Variants in CEP95 observed in about 807,000 individuals in gnomAD.
CEP95 encodes the protein centrosomal protein 95.
CEP95 carries 98 observed loss-of-function variants against 111.2 expected under a neutral mutation model. The ratio of observed to expected loss-of-function variants is 0.88; its 90% CI spans 0.75 to 1.04. The LOEUF (loss-of-function observed/expected upper bound fraction) is 1.04. CEP95 is among the 50% of genes least tolerant of loss of function. The pLI is 0.00. For synonymous variants in CEP95, 323 were observed against 327.1 expected (o/e 0.99, Z 0.14); for missense variants, 1,027 against 977.2 (o/e 1.05, Z -0.68).
chr17:64,523,454 C>G (rs1195122092), intron 8 of CEP95, among the ~76,000 whole-genome samples: 1 of 152,090 alleles, frequency 6.6e-6, no homozygotes, highest in Non-Finnish European at 1.5e-5. Flanking sequence ...CATGCATATT[C>G]CCATTATCCA....
Position 64,529,318 on chromosome 17 carries a change from G to C in CEP95, c.1337G>C (p.Arg446Thr). The C allele has an allele frequency of 6.2e-7, 1 of 1,613,722 alleles. No individual in the cohort carries two copies. Among genetic ancestry groups the C allele is most frequent in the Non-Finnish European group, 8.5e-7 (1 of 1,179,776 alleles). ...GLSMRRKPPY[R>T]SHSLSPSPVN... ...TCCATGCGTAGAAAGCCACCCTACAGATCCCATTCGCTCTCTCCATCTCCA... is the reference window on the plus strand; with the variant it reads ...TCCATGCGTAGAAAGCCACCCTACACATCCCATTCGCTCTCTCCATCTCCA... The change falls in exon 12 of 20, where the codon AGA (arginine) becomes ACA (threonine). Residue 446 changes from arginine (R) to threonine (T), a missense_variant. Arg to Thr is a moderately conservative substitution (Grantham distance 71). Coordinates refer to ENST00000556440, the MANE Select transcript of CEP95 (RefSeq NM_138363.3).
At chr17:64,537,008 TA>T (rs782046053) in intron 18 of CEP95, 32 bp from the exon 19 acceptor site, 1 of 1,561,678 alleles carries the variant, frequency 6.4e-7, no homozygotes, top group Non-Finnish European at 8.7e-7. Context: ...AAACATTAAA[TA>T]TAATATTTGT....
intron 3 of CEP95, among the ~76,000 whole-genome samples, chr17:64,513,959 C>T (rs927594801): frequency 6.6e-6 from 1 of 152,056 alleles, no homozygotes; most frequent in African/African-American, 2.4e-5. Context: ...AATTATTTTG[C>T]TTCTCCAAAA....
rs782336259 is a variant in CEP95 at position 64,531,927 on chromosome 17, C to T, written c.1577C>T (p.Thr526Ile). Residue 526 changes from threonine to isoleucine, a missense_variant, in exon 14 of 20, where the codon ACT becomes ATT. By Grantham distance (89) the Thr-to-Ile change is moderately conservative (BLOSUM62 -1). Coordinates refer to ENST00000556440, the MANE Select transcript of CEP95 (RefSeq NM_138363.3). ...IYRGEAVRKG[T>I]PECSQPWKIY... ...AGAGGAGAAGCTGTTCGTAAAGGAA[C>T]TCCAGAATGTAGTCAGCCCTGGAAG... 6.2e-7 allele frequency: 1 copy of T among 1,607,238 alleles called. No individual in the cohort carries two copies. The highest frequency in any genetic ancestry group is 1.7e-5 in the Admixed American group (1 of 58,282).
rs1236015914 is a variant in CEP95, at chr17:64,529,328, G to T, written c.1347G>T (p.Ser449=). Residue 449 remains serine, a synonymous_variant, in exon 12 of 20, where the codon TCG becomes TCT. Coordinates refer to ENST00000556440, the MANE Select transcript of CEP95 (RefSeq NM_138363.3). ...MRRKPPYRSH[S]LSPSPVNKHK... ...GAAAGCCACCCTACAGATCCCATTC[G>T]CTCTCTCCATCTCCAGTTAACAAAC... 2 of 1,613,460 alleles carry T rather than the reference G, an allele frequency of 1.2e-6. No individual in the cohort carries two copies. The highest frequency in any genetic ancestry group is 1.7e-5 in the Admixed American group (1 of 59,962).
chr17:64,536,655 A>C lies in CEP95; in HGVS notation c.2124A>C (p.Arg708=). The part of the protein sequence containing the change: ...EGLNIQKQRL[R]DLRNYAKEKR... ...TAAACATTCAAAAGCAAAGATTACG[A>C]GACCTAAGAAACTATGCCAAAGAAA... Residue 708 remains arginine, a synonymous_variant, in exon 18 of 20, where the codon CGA becomes CGC. Coordinates refer to ENST00000556440, the MANE Select transcript of CEP95 (RefSeq NM_138363.3). 6.2e-7 allele frequency: 1 copy of C among 1,611,832 alleles called. No homozygotes were observed. The highest frequency in any genetic ancestry group is 8.5e-7 in the Non-Finnish European group (1 of 1,178,976).
chr17:64,507,407 G>C, intron 1 of CEP95: 1 of 1,371,332 alleles, frequency 7.3e-7, no homozygotes, highest in Non-Finnish European at 9.4e-7. Context: ...CCCCGGACTT[G>C]TCTTTCTGTG....
chr17:64,527,069 G>A (rs781856611), intron 10 of CEP95, 42 bp from the exon 11 acceptor site: 2 of 1,565,046 alleles, frequency 1.3e-6, no homozygotes, highest in Non-Finnish European at 1.7e-6. Flanking sequence ...TTTACATTCT[G>A]CTGAAATCAG....
rs782313041 is a variant in CEP95, at chr17:64,529,357, A to G, written c.1376A>G (p.Lys459Arg). The change falls in exon 12 of 20, where the codon AAA becomes AGA. Residue 459 changes from lysine to arginine, a missense_variant. Lys to Arg is a conservative substitution (Grantham distance 26, BLOSUM62 2). Coordinates refer to ENST00000556440, the MANE Select transcript of CEP95 (RefSeq NM_138363.3). ...TCTCCATCTCCAGTTAACAAACACA[A>G]ACAGTTCCACTTGGAGAGAAAAAGG... ...SLSPSPVNKH[K>R]QFHLERKRQR... 4 of 1,613,878 alleles carry G rather than the reference A, an allele frequency of 2.5e-6. No individual in the cohort carries two copies. The highest frequency in any genetic ancestry group is 3.4e-6 in the Non-Finnish European group (4 of 1,179,830).
intron 10 of CEP95, 24 bp downstream of exon 10, chr17:64,526,224 A>G: frequency 6.3e-7 from 1 of 1,596,708 alleles, no homozygotes; most frequent in Non-Finnish European, 8.5e-7. Context: ...TTTCATCTAT[A>G]TTGAGATTCC....
intron 17 of CEP95, chr17:64,535,121 A>G (rs1555681301): frequency 4.4e-6 from 1 of 226,284 alleles, no homozygotes; most frequent in Non-Finnish European, 8.9e-6. Flanking sequence ...GGTTTTCCAC[A>G]AGGATGACAT....
chr17:64,507,766 G>C lies in CEP95; in HGVS notation c.19+650G>C, dbSNP rs146900998. Reference sequence around the variant, plus strand: ...GTGCATGGAAAATACACTCTCATTCGTTTCCAGAACGTTACGTGTCCAGAA... The same window carrying C: ...GTGCATGGAAAATACACTCTCATTCCTTTCCAGAACGTTACGTGTCCAGAA... On this transcript the variant is annotated intron_variant, in intron 1 of 19. Transcript: ENST00000556440. 820 of 985,562 alleles carry C rather than the reference G, an allele frequency of 8.3e-4. 4 individuals are homozygous for C. In the African/African-American group the frequency reaches 0.013, roughly 16 times the overall value. 61.1% of individuals were successfully genotyped at this position (985,562 alleles called of 1,614,324 possible).
At chr17:64,512,277 T>C (rs1244404296) in intron 3 of CEP95, among the ~76,000 whole-genome samples, 3 of 152,212 alleles carry the variant, frequency 2.0e-5, no homozygotes, top group Non-Finnish European at 4.4e-5. Context: ...AAGAAACTCG[T>C]AATACTGATT....
At chr17:64,533,292 T>A in intron 16 of CEP95, 101 bp downstream of exon 16, 2 of 932,252 alleles carry the variant, frequency 2.1e-6, no homozygotes, top group Non-Finnish European at 3.2e-6. Context: ...CTTAACCTCT[T>A]AACACCTGCA....
At chr17:64,519,133 G>A (rs781962359) in intron 5 of CEP95, among the ~76,000 whole-genome samples, 188 bp from the exon 6 acceptor site, 4 of 152,178 alleles carry the variant, frequency 2.6e-5, no homozygotes, top group East Asian at 1.9e-4. Flanking sequence ...ACATTTAATC[G>A]TTGACACTTT....
Position 64,537,104 on chromosome 17 carries a change from C to G in CEP95, c.2281C>G (p.Gln761Glu). The change falls in exon 19 of 20, where the codon CAG becomes GAG. Residue 761 changes from glutamine to glutamate, a missense_variant. By Grantham distance (29) the Gln-to-Glu change is conservative. Transcript: ENST00000556440. ...AGAACTTAAAGCCAGAGAGAAATCT[C>G]AGGCCCAGGTAATAATTAAGATAGA... ...HQELKAREKSQAQTLHKVKRE... is the reference protein window; with the variant it reads ...HQELKAREKSEAQTLHKVKRE... 1 of 1,612,260 alleles carries G rather than the reference C, an allele frequency of 6.2e-7. No individual in the cohort carries two copies. The highest frequency in any genetic ancestry group is 8.5e-7 in the Non-Finnish European group (1 of 1,179,128).
rs1314289123 is a variant in CEP95 at position 64,536,620 on chromosome 17, G to A, written c.2089G>A (p.Glu697Lys). 2 of 1,591,464 alleles carry A rather than the reference G, an allele frequency of 1.3e-6. No individual in the cohort carries two copies. The highest frequency in any genetic ancestry group is 1.7e-6 in the Non-Finnish European group (2 of 1,172,594). ...CTGACAGATATTTAAGAAACTGTTT[G>A]AAGAAGGTTTAAACATTCAAAAGCA... ...REEMIFKKLF[E>K]EGLNIQKQRL... The change falls in exon 18 of 20, where the codon GAA becomes AAA. Residue 697 changes from glutamate (E) to lysine (K), a missense_variant. By Grantham distance (56) the Glu-to-Lys change is moderately conservative (BLOSUM62 1). Coordinates refer to ENST00000556440, the MANE Select transcript of CEP95 (RefSeq NM_138363.3).
intron 17 of CEP95, 96 bp from the exon 18 acceptor site, chr17:64,536,504 TAA>T (rs372597389): frequency 1.4e-4 from 95 of 665,330 alleles, no homozygotes; most frequent in South Asian, 1.8e-4. Context: ...AACTAGTATT[TAA>T]AAAAAAAAAA....
At chr17:64,509,883 A>G (rs1213249649) in intron 2 of CEP95, among the ~76,000 whole-genome samples, 4 of 151,860 alleles carry the variant, frequency 2.6e-5, no homozygotes, top group Non-Finnish European at 4.4e-5. Flanking sequence ...CTTGTAAAGC[A>G]TATTCATGTA....
Sources: allele counts gnomAD v4.1 joint callset (sites outside exome capture counted in the v4.1 genomes callset), GRCh38; gene constraint gnomAD v4.1.1; transcripts MANE v1.5; gene names NCBI Gene and HGNC (gene_info 2026-07-23, HGNC 2026-07-21).